The following RBM47 variants were observed in gnomAD, a reference collection of about 807,000 sequenced individuals.
The protein encoded by RBM47 is RNA-binding protein 47.
In RBM47, 21 loss-of-function variants were observed where a neutral mutation model predicts 47.1. The ratio of observed to expected loss-of-function variants is 0.45; its 90% CI spans 0.32 to 0.64. The LOEUF (loss-of-function observed/expected upper bound fraction) is 0.64, where lower values mean the gene tolerates loss of function less well. Ranked by LOEUF, RBM47 falls within the 30% of genes least tolerant of loss-of-function variation. RBM47 has a pLI of 0.05. For missense variants in RBM47, 708 were observed against 870.9 expected (o/e 0.81, Z 2.35); for synonymous variants, 375 against 361.7 (o/e 1.04, Z -0.42).
intron 6 of RBM47, among the ~76,000 whole-genome samples, chr4:40,429,844 A>G (rs2154208992): frequency 6.6e-6 from 1 of 152,140 alleles, no homozygotes; most frequent in Non-Finnish European, 1.5e-5. Context: ...CTGAGCGCCT[A>G]CAAGGTAGGG....
chr4:40,429,618 A>G (rs35510515), intron 6 of RBM47, among the ~76,000 whole-genome samples: 52,417 of 145,608 alleles, frequency 0.36, 9,563 homozygotes, highest in East Asian at 0.55. Context: ...GAACCCTGGA[A>G]GCGGAAGTTG....
chr4:40,579,292 C>T (rs1454762851), intron 1 of RBM47, among the ~76,000 whole-genome samples: 31 of 145,858 alleles, frequency 2.1e-4, no homozygotes, highest in South Asian at 8.8e-4. Context: ...CATGGTGGCA[C>T]GCGCCTGTAG....
In RBM47 at chr4:40,514,874, C is replaced by T. The variant is rs1029815612; in HGVS notation, c.-155+29548G>A. Reference sequence around the variant, plus strand: ...AGCGATTTTTTTAAAGGTGGCATAACGATAAGCTCATTGTTCTAATCCTCA... The same window carrying T: ...AGCGATTTTTTTAAAGGTGGCATAATGATAAGCTCATTGTTCTAATCCTCA... On this transcript the variant is annotated intron_variant, in intron 2 of 6. Transcript: ENST00000295971. 9.9e-5 allele frequency: 15 copies of T among 152,184 alleles called. No homozygotes were observed. The East Asian group carries it at 2.9e-3, about 29-fold the overall frequency. 9.4% of individuals were successfully genotyped at this position (152,184 alleles called of 1,614,324 possible). A position where few individuals can be genotyped will look rare whatever the true frequency, so the allele number is the denominator to read the frequency against.
chr4:40,615,344 G>A (rs1224066434), intron 1 of RBM47, among the ~76,000 whole-genome samples: 2 of 152,092 alleles, frequency 1.3e-5, no homozygotes, highest in East Asian at 1.9e-4. Flanking sequence ...TTGGGAAGCC[G>A]AGGTGAGAGA....
At chr4:40,585,948 G>A (rs73149448) in intron 1 of RBM47, among the ~76,000 whole-genome samples, 1,563 of 152,324 alleles carry the variant, frequency 0.01, 29 homozygotes, top group African/African-American at 0.035. Context: ...TAAGCAGGAC[G>A]GTACTCTTTA....
chr4:40,570,764 A>G (rs1014500092), intron 1 of RBM47, among the ~76,000 whole-genome samples: 4 of 152,110 alleles, frequency 2.6e-5, no homozygotes, highest in African/African-American at 9.7e-5. Context: ...GAAATATCTA[A>G]TAAATTTCAA....
At chr4:40,536,132 C>T (rs1350544740) in intron 2 of RBM47, among the ~76,000 whole-genome samples, 1 of 152,234 alleles carries the variant, frequency 6.6e-6, no homozygotes, top group Non-Finnish European at 1.5e-5. Flanking sequence ...TTTATGAAAG[C>T]AATGCGGCTG....
intron 1 of RBM47, among the ~76,000 whole-genome samples, chr4:40,559,172 G>T (rs933416720): frequency 5.3e-5 from 8 of 152,062 alleles, no homozygotes; most frequent in African/African-American, 1.7e-4. Context: ...TTCTTTAGAG[G>T]CTACTTCACC....
At chr4:40,491,216 T>C (rs928676570) in intron 2 of RBM47, among the ~76,000 whole-genome samples, 3 of 152,226 alleles carry the variant, frequency 2.0e-5, no homozygotes, top group African/African-American at 7.2e-5. Context: ...GTGCCAAGAC[T>C]ATTTGATGGG....
chr4:40,453,265 G>C lies in RBM47; in HGVS notation c.-32+13312C>G, dbSNP rs77774814. ...AACCATATAAGATTGTTCAGCCCTA[G>C]GAGGTCACAAAACTTCCTTCAACAA... On this transcript the variant is annotated intron_variant, in intron 3 of 6. Coordinates refer to ENST00000295971, the MANE Select transcript of RBM47 (RefSeq NM_001098634.2). Among the ~76,000 whole-genome samples, 300 of 152,318 alleles carry C rather than the reference G, an allele frequency of 2.0e-3. 8 individuals are homozygous for C. In the East Asian group the frequency reaches 0.051, roughly 26 times the overall value.
intron 3 of RBM47, among the ~76,000 whole-genome samples, chr4:40,454,438 A>C (rs1325284428): frequency 6.6e-6 from 1 of 152,152 alleles, no homozygotes. Flanking sequence ...TAAGGGTGTG[A>C]TCAGTGTTAG....
chr4:40,581,828 G>A (rs1732983145), intron 1 of RBM47, among the ~76,000 whole-genome samples: 1 of 151,570 alleles, frequency 6.6e-6, no homozygotes, highest in Admixed American at 6.6e-5. Flanking sequence ...CAGAGCTCGG[G>A]AGCCCAGCTG....
In RBM47 at chr4:40,592,956, TATATATATATATATATATATATA is replaced by T. The variant is rs1400952218; in HGVS notation, c.-240+36417_-240+36439del. ...TGGGACATATATATATATATATATA[TATATATATATATATATATATATA>T]TTTTTTTTTTTTTTTTTTTTTTTTT... On this transcript the variant is annotated intron_variant, in intron 1 of 6. Transcript: ENST00000295971. 6.7e-3 allele frequency among the ~76,000 whole-genome samples: 89 copies of T among 13,374 alleles called. 1 individual carries two copies. Among genetic ancestry groups the T allele is most frequent in the African/African-American group, 0.017 (66 of 3,784 alleles). The allele number at this position is 13,374 out of a possible 152,430, so 8.8% of individuals were successfully genotyped here.
intron 2 of RBM47, among the ~76,000 whole-genome samples, chr4:40,485,511 C>G (rs1255407631): frequency 2.0e-5 from 3 of 152,180 alleles, no homozygotes; most frequent in Admixed American, 2.0e-4. Flanking sequence ...CCTCATTTCT[C>G]TGGCTTTAGT....
intron 1 of RBM47, among the ~76,000 whole-genome samples, chr4:40,587,092 G>A (rs186918266): frequency 3.9e-5 from 6 of 152,310 alleles, no homozygotes; most frequent in East Asian, 1.9e-4. Context: ...TGGAAGAGCC[G>A]TGAGGAGGGG....
At chr4:40,591,426 T>C (rs1734124665) in intron 1 of RBM47, among the ~76,000 whole-genome samples, 2 of 152,156 alleles carry the variant, frequency 1.3e-5, no homozygotes, top group South Asian at 2.1e-4. Context: ...CTCACACCTG[T>C]AATCCCAGCA....
intron 2 of RBM47, among the ~76,000 whole-genome samples, chr4:40,496,313 T>A (rs1401466340): frequency 6.7e-6 from 1 of 149,844 alleles, no homozygotes; most frequent in African/African-American, 2.5e-5. Context: ...ATTCTGTATC[T>A]TGGCTGGAGA....
At chr4:40,470,986 G>T (rs1718774829) in intron 2 of RBM47, among the ~76,000 whole-genome samples, 1 of 152,096 alleles carries the variant, frequency 6.6e-6, no homozygotes, top group South Asian at 2.1e-4. Flanking sequence ...CAAGTGATCT[G>T]CCCACTTTGG....
chr4:40,585,515 G>A (rs1733485220), intron 1 of RBM47, among the ~76,000 whole-genome samples: 1 of 152,114 alleles, frequency 6.6e-6, no homozygotes, highest in Non-Finnish European at 1.5e-5. Flanking sequence ...GAAAAAGCAC[G>A]TACATTATAA....
Sources: allele counts gnomAD v4.1 joint callset (sites outside exome capture counted in the v4.1 genomes callset), GRCh38; gene constraint gnomAD v4.1.1; transcripts MANE v1.5; gene names NCBI Gene and HGNC (gene_info 2026-07-23, HGNC 2026-07-21).